MTHFD2L: variants seen among roughly 807,000 people sequenced by gnomAD.
The protein encoded by MTHFD2L is methylenetetrahydrofolate dehydrogenase (NADP+ dependent) 2 like.
Under a neutral mutation model 34.9 loss-of-function variants are expected in MTHFD2L, and 29 were observed. That is an observed-to-expected ratio of 0.83 (90% confidence interval 0.62 to 1.13). The LOEUF (loss-of-function observed/expected upper bound fraction) is 1.13, where lower values mean the gene tolerates loss of function less well. Ranked by LOEUF, MTHFD2L falls within the 50% of genes most tolerant of loss-of-function variation. The pLI is 0.00. For missense variants in MTHFD2L, 481 were observed against 446.5 expected (o/e 1.08, Z -0.70); for synonymous variants, 167 against 155.7 (o/e 1.07, Z -0.54).
intron 7 of MTHFD2L, among the ~76,000 whole-genome samples, chr4:74,290,998 C>CTTTTTTTTTTTTTTTTTTTTTTT (rs1560565979): frequency 2.2e-5 from 1 of 46,154 alleles, no homozygotes; most frequent in African/African-American, 6.7e-5. Context: ...TTTATTTTTC[C>CTTTTTTTTTTTTTTTTTTTTTTT]TTTTCTTTTT....
chr4:74,299,971 G>T (rs989958253), intron 7 of MTHFD2L, among the ~76,000 whole-genome samples: 2 of 152,048 alleles, frequency 1.3e-5, no homozygotes, highest in Non-Finnish European at 2.9e-5. Flanking sequence ...GAAATAATGA[G>T]TTTCTTGTTT....
rs543835779 is a variant in MTHFD2L at position 74,293,360 on chromosome 4, A to G, written c.932-8337A>G. On this transcript the variant is annotated intron_variant, in intron 7 of 7. Coordinates refer to ENST00000325278, the MANE Select transcript of MTHFD2L (RefSeq NM_001144978.3). ...GTTTACATCTATAATACAGATGACC[A>G]GATATATACAGATTTAATTTAATGT... 5 of 176,310 alleles carry G rather than the reference A, an allele frequency of 2.8e-5. No individual in the cohort carries two copies. In the South Asian group the frequency reaches 9.5e-4, roughly 33 times the overall value. The allele number at this position is 176,310 out of a possible 1,614,324, so 10.9% of individuals were successfully genotyped here. A position where few individuals can be genotyped will look rare whatever the true frequency, so the allele number is the denominator to read the frequency against.
chr4:74,149,689 T>G (rs557773409), intron 1 of MTHFD2L, among the ~76,000 whole-genome samples: 2 of 152,348 alleles, frequency 1.3e-5, no homozygotes, highest in South Asian at 4.1e-4. Flanking sequence ...ATTTATTCAT[T>G]GATATCAGAA....
In MTHFD2L at chr4:74,281,795, G is replaced by A. The variant is rs563805788; in HGVS notation, c.931+245G>A. Among the ~76,000 whole-genome samples, 26 of 150,380 alleles carry A rather than the reference G, an allele frequency of 1.7e-4. No homozygotes were observed. The South Asian group carries it at 5.1e-3, about 29-fold the overall frequency. On this transcript the variant is annotated intron_variant, in intron 7 of 7. Transcript: ENST00000325278. ...CTTCTAATTGTATCATTAATATTTG[G>A]TTTAGGGATCAAATTTCTTATAGTA...
chr4:74,146,018 A>T (rs1578253907), intron 1 of MTHFD2L, among the ~76,000 whole-genome samples: 1 of 152,198 alleles, frequency 6.6e-6, no homozygotes, highest in East Asian at 1.9e-4. Flanking sequence ...AGAGTGGGAG[A>T]ATGTACTAAT....
At chr4:74,222,250 T>C (rs1354961597) in intron 5 of MTHFD2L, among the ~76,000 whole-genome samples, 2 of 149,320 alleles carry the variant, frequency 1.3e-5, no homozygotes, top group Non-Finnish European at 2.9e-5. Context: ...TGTTCTGCTA[T>C]AGCAGAATAT....
At chr4:74,164,633 C>T (rs1254599295) in intron 1 of MTHFD2L, among the ~76,000 whole-genome samples, 2 of 152,176 alleles carry the variant, frequency 1.3e-5, no homozygotes, top group Non-Finnish European at 2.9e-5. Context: ...AATGTAAGGT[C>T]AACAAGAGAG....
intron 6 of MTHFD2L, among the ~76,000 whole-genome samples, chr4:74,260,237 C>T (rs1282018245): frequency 6.6e-6 from 1 of 152,178 alleles, no homozygotes; most frequent in African/African-American, 2.4e-5. Context: ...CAGTTGGGGC[C>T]AGGAATGAGT....
intron 6 of MTHFD2L, among the ~76,000 whole-genome samples, chr4:74,240,648 C>T (rs1246580): frequency 0.25 from 38,018 of 152,000 alleles, 4,895 homozygotes; most frequent in African/African-American, 0.31. Context: ...CAACTTGAGA[C>T]GTTATCTCTG....
At chr4:74,204,039 C>T (rs115928068) in intron 5 of MTHFD2L, among the ~76,000 whole-genome samples, 1,689 of 152,108 alleles carry the variant, frequency 0.011, 31 homozygotes, top group African/African-American at 0.039. Flanking sequence ...ATGTTATTCC[C>T]ATTTTACAGC....
intron 3 of MTHFD2L, among the ~76,000 whole-genome samples, chr4:74,185,729 G>C (rs1731112433): frequency 6.6e-6 from 1 of 152,116 alleles, no homozygotes; most frequent in African/African-American, 2.4e-5. Flanking sequence ...CACTCAAAAA[G>C]AAATGTCTTA....
intron 3 of MTHFD2L, among the ~76,000 whole-genome samples, chr4:74,190,844 A>G (rs1732345230): frequency 6.6e-6 from 1 of 152,186 alleles, no homozygotes; most frequent in East Asian, 1.9e-4. Flanking sequence ...TTATTCCATT[A>G]AAATATAAAT....
At chr4:74,241,524 G>A (rs938642872) in intron 6 of MTHFD2L, 1 of 389,014 alleles carries the variant, frequency 2.6e-6, no homozygotes, top group Non-Finnish European at 5.2e-6. Flanking sequence ...CTCCTAAGTA[G>A]GTGCACACCA....
chr4:74,286,316 C>T (rs1006032887), intron 7 of MTHFD2L, among the ~76,000 whole-genome samples: 3 of 152,092 alleles, frequency 2.0e-5, no homozygotes, highest in Non-Finnish European at 4.4e-5. Flanking sequence ...AATAATTATT[C>T]ATTTATAAGT....
At chr4:74,253,707 C>T (rs1743623922) in intron 6 of MTHFD2L, among the ~76,000 whole-genome samples, 1 of 152,082 alleles carries the variant, frequency 6.6e-6, no homozygotes, top group East Asian at 1.9e-4. Flanking sequence ...CTTGCTCATG[C>T]TGACACAGGT....
At chr4:74,166,665 C>A (rs1175767824) in intron 1 of MTHFD2L, among the ~76,000 whole-genome samples, 1 of 151,410 alleles carries the variant, frequency 6.6e-6, no homozygotes, top group African/African-American at 2.4e-5. Flanking sequence ...CCAGCCCCCA[C>A]AGACACAGCT....
At chr4:74,125,995 G>T (rs186281756) in intron 1 of MTHFD2L, among the ~76,000 whole-genome samples, 29 of 152,104 alleles carry the variant, frequency 1.9e-4, no homozygotes, top group Non-Finnish European at 4.0e-4. Context: ...CCACTTCAAT[G>T]CTCACTGTTT....
At chr4:74,177,772 A>G (rs551125440) in intron 3 of MTHFD2L, among the ~76,000 whole-genome samples, 1 of 152,148 alleles carries the variant, frequency 6.6e-6, no homozygotes, top group East Asian at 1.9e-4. Flanking sequence ...TCATGATATC[A>G]GTATGTCAAA....
At chr4:74,150,403 G>A (rs772608761) in intron 1 of MTHFD2L, among the ~76,000 whole-genome samples, 2 of 152,138 alleles carry the variant, frequency 1.3e-5, no homozygotes, top group Non-Finnish European at 2.9e-5. Flanking sequence ...ACAGGCATGC[G>A]CCACCATGCC....
Sources: allele counts gnomAD v4.1 joint callset (sites outside exome capture counted in the v4.1 genomes callset), GRCh38; gene constraint gnomAD v4.1.1; transcripts MANE v1.5; gene names NCBI Gene and HGNC (gene_info 2026-07-23, HGNC 2026-07-21).